GBE1: variants seen among roughly 807,000 people sequenced by gnomAD.
The protein encoded by GBE1 is 1,4-alpha-glucan branching enzyme 1.
A neutral mutation model predicts 88.8 loss-of-function variants in GBE1; 70 were observed. The ratio of observed to expected loss-of-function variants is 0.79; its 90% CI spans 0.65 to 0.96. The LOEUF (loss-of-function observed/expected upper bound fraction) is 0.96. Among genes scored for constraint, GBE1 ranks in the 40% least tolerant of loss-of-function variants. GBE1 has a pLI of 0.00. For missense variants in GBE1, 872 were observed against 871.0 expected (o/e 1.00, Z -0.01); for synonymous variants, 284 against 300.1 (o/e 0.95, Z 0.56).
At chr3:81,675,861 T>C (rs1157381982) in intron 2 of GBE1, among the ~76,000 whole-genome samples, 1 of 152,120 alleles carries the variant, frequency 6.6e-6, no homozygotes, top group Non-Finnish European at 1.5e-5. Flanking sequence ...AAAGAAAACC[T>C]GATACAGTTC....
At chr3:81,537,203 T>C in intron 12 of GBE1, 108 bp from the exon 13 acceptor site, 1 of 720,230 alleles carries the variant, frequency 1.4e-6, no homozygotes, top group Non-Finnish European at 2.0e-6. Flanking sequence ...TAGTTTAGGC[T>C]ATCATTTACT....
intron 1 of GBE1, among the ~76,000 whole-genome samples, chr3:81,709,101 T>G (rs1048697275): frequency 6.6e-6 from 1 of 152,224 alleles, no homozygotes; most frequent in East Asian, 1.9e-4. Context: ...ATTTAATAGT[T>G]ACACCTCATT....
At chr3:81,511,748 G>A (rs568926740) in intron 14 of GBE1, among the ~76,000 whole-genome samples, 1 of 151,760 alleles carries the variant, frequency 6.6e-6, no homozygotes, top group African/African-American at 2.4e-5. Context: ...AAGTAAATTA[G>A]TTCAGCTCCC....
chr3:81,511,268 C>T (rs1702722831), intron 14 of GBE1, among the ~76,000 whole-genome samples: 1 of 151,850 alleles, frequency 6.6e-6, no homozygotes, highest in African/African-American at 2.4e-5. Flanking sequence ...TCAGTCTTTG[C>T]AAACAATTTA....
chr3:81,669,633 AACAC>A (rs534835674), intron 3 of GBE1, among the ~76,000 whole-genome samples: 1 of 151,374 alleles, frequency 6.6e-6, no homozygotes, highest in Non-Finnish European at 1.5e-5. Context: ...GGAAAAAAAA[AACAC>A]ACACACACAC....
At chr3:81,722,659 A>C (rs1559699187) in intron 1 of GBE1, among the ~76,000 whole-genome samples, 2 of 151,710 alleles carry the variant, frequency 1.3e-5, no homozygotes, top group Admixed American at 6.6e-5. Flanking sequence ...CTTATATCTC[A>C]TTAGCAAGTC....
At chr3:81,741,437 C>T (rs1706347949) in intron 1 of GBE1, among the ~76,000 whole-genome samples, 1 of 151,920 alleles carries the variant, frequency 6.6e-6, no homozygotes, top group East Asian at 1.9e-4. Flanking sequence ...GAAAGAGCAA[C>T]CACAAAATTC....
intron 7 of GBE1, among the ~76,000 whole-genome samples, chr3:81,634,727 T>G (rs1704568788): frequency 6.6e-6 from 1 of 152,134 alleles, no homozygotes; most frequent in South Asian, 2.1e-4. Context: ...CTTTCACATT[T>G]AATATGGAAA....
chr3:81,686,197 GC>G (rs1705435954), intron 2 of GBE1, among the ~76,000 whole-genome samples: 1 of 152,138 alleles, frequency 6.6e-6, no homozygotes, highest in Admixed American at 6.5e-5. Flanking sequence ...ATAATGTTTC[GC>G]TTTTGTGGTT....
At chr3:81,639,365 T>C (rs1704637731) in intron 7 of GBE1, among the ~76,000 whole-genome samples, 1 of 152,036 alleles carries the variant, frequency 6.6e-6, no homozygotes, top group African/African-American at 2.4e-5. Flanking sequence ...AAAATGGCTA[T>C]TTCAGACATA....
At position 81,734,503 on chromosome 3, in the gene GBE1, G is replaced by A. The variant is rs73853478; in HGVS notation, c.143+26872C>T. On this transcript the variant is annotated intron_variant, in intron 1 of 15. Coordinates refer to ENST00000429644, the MANE Select transcript of GBE1 (RefSeq NM_000158.4). The stretch of plus-strand genomic sequence containing the variant: ...GCAAGATTACCAACTTTAAAGCACA[G>A]AGTTTATCATCCAACATCTGGCACG... Among the ~76,000 whole-genome samples, 767 of 152,264 alleles carry A rather than the reference G, an allele frequency of 5.0e-3. 2 individuals carry two copies. The highest frequency in any genetic ancestry group is 0.018 in the African/African-American group (736 of 41,564).
At chr3:81,740,472 A>G (rs1706330808) in intron 1 of GBE1, among the ~76,000 whole-genome samples, 1 of 152,082 alleles carries the variant, frequency 6.6e-6, no homozygotes, top group African/African-American at 2.4e-5. Flanking sequence ...ATCATGAATT[A>G]CATGGTCTCA....
chr3:81,526,201 G>A (rs1217341438), intron 14 of GBE1, among the ~76,000 whole-genome samples: 1 of 152,008 alleles, frequency 6.6e-6, no homozygotes, highest in African/African-American at 2.4e-5. Flanking sequence ...ACACTGCTTT[G>A]AATGTGTCCC....
chr3:81,709,141 AATT>A (rs1314383626), intron 1 of GBE1, among the ~76,000 whole-genome samples: 5 of 152,216 alleles, frequency 3.3e-5, no homozygotes, highest in Non-Finnish European at 7.3e-5. Flanking sequence ...CCAATCATGT[AATT>A]ATTCAAGAAC....
intron 15 of GBE1, among the ~76,000 whole-genome samples, chr3:81,494,078 T>C (rs1266282560): frequency 6.6e-6 from 1 of 152,156 alleles, no homozygotes; most frequent in Non-Finnish European, 1.5e-5. Flanking sequence ...CAGAAATACT[T>C]TGTAATAATA....
intron 14 of GBE1, among the ~76,000 whole-genome samples, chr3:81,502,305 G>C (rs2106815118): frequency 1.3e-5 from 2 of 152,266 alleles, no homozygotes; most frequent in Middle Eastern, 6.8e-3. Flanking sequence ...CATATTGAAA[G>C]TGTTAGAATC....
intron 1 of GBE1, among the ~76,000 whole-genome samples, chr3:81,753,774 T>A (rs1303260737): frequency 1.3e-5 from 2 of 152,336 alleles, no homozygotes; most frequent in Admixed American, 6.5e-5. Flanking sequence ...ATGAATCTAG[T>A]AGTGCAGAAG....
intron 3 of GBE1, among the ~76,000 whole-genome samples, chr3:81,652,454 T>C (rs2107080075): frequency 6.6e-6 from 1 of 152,348 alleles, no homozygotes; most frequent in South Asian, 2.1e-4. Context: ...TTCTGTCTTC[T>C]GCTACTCTAA....
intron 12 of GBE1, among the ~76,000 whole-genome samples, chr3:81,543,669 A>G (rs1297577810): frequency 6.6e-6 from 1 of 152,126 alleles, no homozygotes; most frequent in Non-Finnish European, 1.5e-5. Context: ...AGTAATTCAG[A>G]CAGTACAGTG....
Sources: gnomAD v4.1 joint callset for allele counts (sites outside exome capture counted in the v4.1 genomes callset) on GRCh38, gnomAD v4.1.1 for gene constraint, MANE v1.5 for transcripts, NCBI Gene and HGNC (gene_info 2026-07-23, HGNC 2026-07-21) for gene names.